Variants in GDF1 observed in about 807,000 individuals in gnomAD.
GDF1 encodes the protein embryonic growth/differentiation factor 1.
In GDF1, 8 loss-of-function variants were observed where a neutral mutation model predicts 7.4. That is an observed-to-expected ratio of 1.09 (90% CI 0.64 to 1.96). GDF1 has a LOEUF of 1.96. Ranked by LOEUF, GDF1 falls within the 30% of genes most tolerant of loss-of-function variation. GDF1 has a pLI of 0.00. For missense variants in GDF1, 574 were observed against 551.5 expected (o/e 1.04, Z -0.41); for synonymous variants, 311 against 276.7 (o/e 1.12, Z -1.23).
Position 18,869,103 on chromosome 19 carries a change from G to T in GDF1, c.613C>A (p.Arg205Ser). ...AGGCTGCGCGGCCATGAGGCGTTGC[G>T]AGCCCAAGCGGCGCCCAGCAGCTCC... ...RAELLGAAWA[R>S]NASWPRSLRL... The change falls in exon 8 of 8, where the codon CGC becomes AGC. Residue 205 changes from arginine (R) to serine (S), a missense_variant. By Grantham distance (110) the Arg-to-Ser change is moderately radical. Coordinates refer to ENST00000247005, the MANE Select transcript of GDF1 (RefSeq NM_001492.6). The T allele has an allele frequency of 9.3e-7, 1 of 1,080,616 alleles. No individual in the cohort carries two copies. The highest frequency in any genetic ancestry group is 3.4e-5 in the South Asian group (1 of 29,666). The allele number at this position is 1,080,616 out of a possible 1,614,324, so 66.9% of individuals were successfully genotyped here.
At chr19:18,876,536 T>TTGTGTGTGTGTG (rs60266196) in intron 6 of GDF1, among the ~76,000 whole-genome samples, 431 of 143,272 alleles carry the variant, frequency 3.0e-3, no homozygotes, top group African/African-American at 0.01. Flanking sequence ...TTTGATTGGG[T>TTGTGTGTGTGTG]TGTGTGTGTG....
chr19:18,895,655 C>T lies in GDF1; in HGVS notation c.-1074+169G>A, dbSNP rs1008298655. Among the ~76,000 whole-genome samples, 6 of 151,718 alleles carry T rather than the reference C, an allele frequency of 4.0e-5. No individual in the cohort carries two copies. Among genetic ancestry groups the T allele is most frequent in the African/African-American group, 1.5e-4 (6 of 41,270 alleles). On this transcript the variant is annotated intron_variant, in intron 1 of 7. Coordinates refer to ENST00000247005, the MANE Select transcript of GDF1 (RefSeq NM_001492.6). The surrounding 1 kb of genome is among the most constrained non-coding windows in gnomAD (Gnocchi z 6.4). Reference sequence around the variant, plus strand: ...CGGCCCGAGAGACCTTATCCTGGGGCTCCAACGTCCTGGGCCTCTCCAGCC... The same window carrying T: ...CGGCCCGAGAGACCTTATCCTGGGGTTCCAACGTCCTGGGCCTCTCCAGCC...
chr19:18,874,966 G>C (rs1400012191), intron 6 of GDF1, among the ~76,000 whole-genome samples: 1 of 152,206 alleles, frequency 6.6e-6, no homozygotes, highest in South Asian at 2.1e-4. Context: ...CAGGCAAAGT[G>C]GCTCATGCCT....
At chr19:18,889,410 T>C (rs1278416513) in intron 2 of GDF1, among the ~76,000 whole-genome samples, 1 of 151,930 alleles carries the variant, frequency 6.6e-6, no homozygotes, top group Non-Finnish European at 1.5e-5. Flanking sequence ...TTCAGAGGTC[T>C]CAAATCTCCT....
In GDF1 at chr19:18,888,531, A is replaced by C. The variant is rs972391257; in HGVS notation, c.-913-4264T>G. On this transcript the variant is annotated intron_variant, in intron 2 of 7. Transcript: ENST00000247005. ...AGACCCTGTCTCTTAAAAAAAAAAA[A>C]AAAAAAAAAAAAAAACAGGCTAGGT... Among the ~76,000 whole-genome samples, 1,297 of 148,548 alleles carry C rather than the reference A, an allele frequency of 8.7e-3. 33 individuals carry two copies. The highest frequency in any genetic ancestry group is 0.031 in the African/African-American group (1,229 of 40,198).
chr19:18,869,760 A>G (rs1329640117), intron 7 of GDF1, among the ~76,000 whole-genome samples: 1 of 152,084 alleles, frequency 6.6e-6, no homozygotes, highest in African/African-American at 2.4e-5. Context: ...ACAGGGCTTC[A>G]GCATCAAGCA....
chr19:18,880,665 C>A (rs934983312), intron 3 of GDF1, among the ~76,000 whole-genome samples: 10 of 151,988 alleles, frequency 6.6e-5, no homozygotes, highest in Non-Finnish European at 1.3e-4. Flanking sequence ...TCTTCCCTGC[C>A]TCAGTGTCCC....
At chr19:18,872,426 C>T (rs1280437370) in intron 6 of GDF1, among the ~76,000 whole-genome samples, 1 of 152,176 alleles carries the variant, frequency 6.6e-6, no homozygotes, top group Non-Finnish European at 1.5e-5. Flanking sequence ...TGGCTCACTG[C>T]AACCTCTGCC....
chr19:18,890,779 T>TG (rs1313108143), intron 2 of GDF1, among the ~76,000 whole-genome samples: 5 of 82,878 alleles, frequency 6.0e-5, no homozygotes, highest in South Asian at 3.4e-4. Context: ...AGACCGCGTC[T>TG]GGGGAAAAAA....
chr19:18,871,223 ATTTTTTTTT>A (rs572877061), intron 6 of GDF1, among the ~76,000 whole-genome samples: 1 of 119,834 alleles, frequency 8.3e-6, no homozygotes, highest in Non-Finnish European at 1.7e-5. Flanking sequence ...ACTCCCAGCA[ATTTTTTTTT>A]TTTTTTTTTT....
At chr19:18,890,580 C>A (rs1353611254) in intron 2 of GDF1, among the ~76,000 whole-genome samples, 1 of 151,412 alleles carries the variant, frequency 6.6e-6, no homozygotes, top group Non-Finnish European at 1.5e-5. Flanking sequence ...GAGTTCAAGA[C>A]CAGCCTGGCC....
chr19:18,892,846 T>C (rs895351593), intron 2 of GDF1, among the ~76,000 whole-genome samples: 16 of 152,192 alleles, frequency 1.1e-4, no homozygotes, highest in African/African-American at 3.9e-4. Flanking sequence ...CACCTTTGTC[T>C]TGGGGCTGGC....
Position 18,884,217 on chromosome 19 carries a change from G to A in GDF1, c.-863C>T, listed in dbSNP as rs1273660286. 6.2e-7 allele frequency: 1 copy of A among 1,613,414 alleles called. No homozygotes were observed. The highest frequency in any genetic ancestry group is 2.2e-5 in the East Asian group (1 of 44,864). ...GAGTGGCCATAGAAGCTTCCCTGGA[G>A]CAGGTAGGCGGCTGCAATGTCCCGT... is the stretch of plus-strand genomic sequence containing the variant. On this transcript the variant is annotated 5_prime_UTR_variant, in exon 3 of 8. Transcript: ENST00000247005.
At chr19:18,869,449 C>T in intron 7 of GDF1, 59 bp from the exon 8 acceptor site, 1 of 1,511,146 alleles carries the variant, frequency 6.6e-7, no homozygotes, top group South Asian at 1.2e-5. Context: ...CCCATGGGGT[C>T]TCGGTTAGGG....
chr19:18,887,065 T>C (rs1235749226), intron 2 of GDF1, among the ~76,000 whole-genome samples: 2 of 152,228 alleles, frequency 1.3e-5, no homozygotes, highest in African/African-American at 4.8e-5. Flanking sequence ...CATGTGTCCC[T>C]GTCTACAGCA....
Position 18,878,439 on chromosome 19 carries a change from C to T in GDF1, c.-313+491G>A, listed in dbSNP as rs1264223909. Reference sequence around the variant, plus strand: ...CTCCCAGCCCCAGCTCCTGTTTGGCCGGGCAGTGGGCTCCCCTGTCAAACT... The same window carrying T: ...CTCCCAGCCCCAGCTCCTGTTTGGCTGGGCAGTGGGCTCCCCTGTCAAACT... On this transcript the variant is annotated intron_variant, in intron 6 of 7. Coordinates refer to ENST00000247005, the MANE Select transcript of GDF1 (RefSeq NM_001492.6). The surrounding 1 kb of genome is among the most constrained non-coding windows in gnomAD (Gnocchi z 4.6). The T allele has an allele frequency of 1.9e-4, 188 of 989,886 alleles. No homozygotes were observed. Among genetic ancestry groups the T allele is most frequent in the Middle Eastern group, 5.1e-4 (1 of 1,944 alleles). 61.3% of individuals were successfully genotyped at this position (989,886 alleles called of 1,614,324 possible).
At chr19:18,881,143 C>T (rs546410410) in intron 3 of GDF1, among the ~76,000 whole-genome samples, 27 of 152,234 alleles carry the variant, frequency 1.8e-4, no homozygotes, top group African/African-American at 6.5e-4. Flanking sequence ...GATGAGACTT[C>T]CAGGTCTGTA....
At chr19:18,885,859 G>A (rs2056344137) in intron 2 of GDF1, among the ~76,000 whole-genome samples, 1 of 152,114 alleles carries the variant, frequency 6.6e-6, no homozygotes, top group Admixed American at 6.6e-5. Flanking sequence ...CGGGTGTCCT[G>A]GGCCCACTCC....
chr19:18,871,616 TCAAG>T (rs2055972655), intron 6 of GDF1, among the ~76,000 whole-genome samples: 1 of 152,184 alleles, frequency 6.6e-6, no homozygotes, highest in African/African-American at 2.4e-5. Context: ...ACTCCTGGGC[TCAAG>T]CAGTCAGCCC....
Sources: allele counts gnomAD v4.1 joint callset (sites outside exome capture counted in the v4.1 genomes callset), GRCh38; gene constraint gnomAD v4.1.1; non-coding constraint Gnocchi (gnomAD v3.1); transcripts MANE v1.5; gene names NCBI Gene and HGNC (gene_info 2026-07-23, HGNC 2026-07-21).